Variants in HECTD2 observed in about 807,000 individuals in gnomAD.
HECTD2 encodes HECT domain E3 ubiquitin protein ligase 2.
A neutral mutation model predicts 103.2 loss-of-function variants in HECTD2; 35 were observed. The ratio of observed to expected loss-of-function variants is 0.34; its 90% CI spans 0.26 to 0.45. HECTD2 has a LOEUF of 0.45. HECTD2 is among the 20% of genes least tolerant of loss of function. The pLI is 1.00. For missense variants in HECTD2, 596 were observed against 937.4 expected (o/e 0.64, Z 4.76); for synonymous variants, 281 against 329.9 (o/e 0.85, Z 1.61).
chr10:91,454,383 A>C (rs1258624193), intron 2 of HECTD2, among the ~76,000 whole-genome samples: 1 of 152,162 alleles, frequency 6.6e-6, no homozygotes, highest in Non-Finnish European at 1.5e-5. Context: ...TCTCCAAAAT[A>C]CTTGGAAATT....
At position 91,410,474 on chromosome 10, in the gene HECTD2, T is replaced by G; in HGVS notation, c.36T>G (p.Thr12=). ...SEAVRVPSPA[T]PLVVAAPAPE... is the part of the protein sequence containing the mutation. ...CGGTTCGGGTACCCTCGCCCGCCAC[T>G]CCGCTGGTGGTGGCGGCGCCCGCGC... is the stretch of plus-strand genomic sequence containing the variant. Residue 12 remains threonine (T), a synonymous_variant, in exon 1 of 21, where the codon ACT becomes ACG. Transcript: ENST00000298068. 6.8e-7 allele frequency: 1 copy of G among 1,464,248 alleles called. No individual in the cohort carries two copies. Among genetic ancestry groups the G allele is most frequent in the Non-Finnish European group, 9.0e-7 (1 of 1,112,266 alleles). 90.7% of individuals were successfully genotyped at this position (1,464,248 alleles called of 1,614,324 possible).
At chr10:91,485,023 A>T (rs1050401798) in intron 9 of HECTD2, among the ~76,000 whole-genome samples, 157 bp from the exon 10 acceptor site, 5 of 151,988 alleles carry the variant, frequency 3.3e-5, no homozygotes, top group African/African-American at 9.7e-5. Context: ...TTTTAACCAC[A>T]ATTTTTAAAT....
chr10:91,436,041 TA>T (rs1174690394), intron 2 of HECTD2, among the ~76,000 whole-genome samples: 2 of 151,954 alleles, frequency 1.3e-5, no homozygotes, highest in African/African-American at 4.8e-5. Context: ...AGTACCCTTT[TA>T]TTTCATGGTT....
At chr10:91,508,465 A>T (rs988889814) in intron 20 of HECTD2, among the ~76,000 whole-genome samples, 1 of 151,604 alleles carries the variant, frequency 6.6e-6, no homozygotes, top group Non-Finnish European at 1.5e-5. Context: ...TGGGCGAAGG[A>T]CATGAACAGA....
intron 2 of HECTD2, among the ~76,000 whole-genome samples, chr10:91,434,774 G>C (rs985367329): frequency 6.6e-6 from 1 of 151,938 alleles, no homozygotes; most frequent in Non-Finnish European, 1.5e-5. Flanking sequence ...CTCAGGCTGG[G>C]TTTGAATTCT....
intron 1 of HECTD2, among the ~76,000 whole-genome samples, chr10:91,424,407 A>C (rs929406870): frequency 1.3e-5 from 2 of 152,028 alleles, no homozygotes; most frequent in Admixed American, 6.6e-5. Context: ...CTCTTCCTCT[A>C]CTGTGAAAGT....
In HECTD2 at chr10:91,492,960, T is replaced by G. The variant is rs538515428; in HGVS notation, c.1433-460T>G. ...GAAACTACCTGTATAATCCTTACTATCTGTTAAACTTTTCAAAGGAGAATT... is the reference window on the plus strand; with the variant it reads ...GAAACTACCTGTATAATCCTTACTAGCTGTTAAACTTTTCAAAGGAGAATT... On this transcript the variant is annotated intron_variant, in intron 13 of 20. Coordinates refer to ENST00000298068, the MANE Select transcript of HECTD2 (RefSeq NM_182765.6). 1.6e-3 allele frequency among the ~76,000 whole-genome samples: 249 copies of G among 152,040 alleles called. 2 individuals are homozygous for G. Among genetic ancestry groups the G allele is most frequent in the Non-Finnish European group, 2.9e-3 (198 of 67,860 alleles).
chr10:91,430,159 G>A (rs1843776287), intron 2 of HECTD2, among the ~76,000 whole-genome samples: 1 of 152,152 alleles, frequency 6.6e-6, no homozygotes, highest in Non-Finnish European at 1.5e-5. Context: ...TCAGGAGTAG[G>A]TTGTTCAGTT....
chr10:91,497,750 G>T (rs570477641), intron 15 of HECTD2, among the ~76,000 whole-genome samples: 1 of 152,128 alleles, frequency 6.6e-6, no homozygotes, highest in Non-Finnish European at 1.5e-5. Flanking sequence ...AACATTAGCA[G>T]ATTTTCATAG....
At chr10:91,428,722 GA>G (rs1489596969) in intron 2 of HECTD2, among the ~76,000 whole-genome samples, 4 of 151,838 alleles carry the variant, frequency 2.6e-5, no homozygotes, top group Non-Finnish European at 5.9e-5. Context: ...TTTGTACATT[GA>G]TTTTGTATCC....
Position 91,498,135 on chromosome 10 carries a change from T to C in HECTD2, c.1708T>C (p.Leu570=). ...PELAHGLSEL[L]SHEGNVEEDF... ...GTTGGCCCATGGATTAAGTGAACTCTTATCACATGAAGGCAATGTTGAAGA... is the reference window on the plus strand; with the variant it reads ...GTTGGCCCATGGATTAAGTGAACTCCTATCACATGAAGGCAATGTTGAAGA... Residue 570 remains leucine, a synonymous_variant, in exon 16 of 21, where the codon TTA becomes CTA. Coordinates refer to ENST00000298068, the MANE Select transcript of HECTD2 (RefSeq NM_182765.6). 6.2e-7 allele frequency: 1 copy of C among 1,612,108 alleles called. No individual in the cohort carries two copies. Among genetic ancestry groups the C allele is most frequent in the South Asian group, 1.1e-5 (1 of 91,000 alleles).
chr10:91,481,867 A>G (rs1846098980), intron 7 of HECTD2, among the ~76,000 whole-genome samples: 1 of 151,888 alleles, frequency 6.6e-6, no homozygotes, highest in Non-Finnish European at 1.5e-5. Context: ...AGTGTTTAGT[A>G]CAATATTATG....
At chr10:91,436,897 G>C (rs543122217) in intron 2 of HECTD2, among the ~76,000 whole-genome samples, 1 of 151,994 alleles carries the variant, frequency 6.6e-6, no homozygotes, top group African/African-American at 2.4e-5. Flanking sequence ...CACCTGTTCT[G>C]TTTGTCCTTA....
chr10:91,505,780 A>T (rs1355393830), intron 20 of HECTD2, among the ~76,000 whole-genome samples: 2 of 152,212 alleles, frequency 1.3e-5, no homozygotes, highest in East Asian at 3.9e-4. Flanking sequence ...GACCTAATAG[A>T]CATCTACAGA....
intron 1 of HECTD2, among the ~76,000 whole-genome samples, chr10:91,417,470 T>A (rs7898769): frequency 0.2 from 30,433 of 152,018 alleles, 7,239 homozygotes; most frequent in African/African-American, 0.58. Context: ...TGCTGCACCC[T>A]TTAACTCATC....
rs61754655 is a variant in HECTD2, at chr10:91,461,261, G to A, written c.415G>A (p.Val139Ile). 6,408 of 1,453,940 alleles carry A rather than the reference G, an allele frequency of 4.4e-3. 21 individuals carry two copies. The highest frequency in any genetic ancestry group is 5.5e-3 in the Non-Finnish European group (5,890 of 1,065,794). The allele number at this position is 1,453,940 out of a possible 1,614,324, so 90.1% of individuals were successfully genotyped here. A position where few individuals can be genotyped will look rare whatever the true frequency, so the allele number is the denominator to read the frequency against. Residue 139 changes from valine (V) to isoleucine (I), a missense_variant, in exon 4 of 21, where the codon GTA becomes ATA. This residue lies in a region of HECTD2 where 220 missense variants were observed against 233.9 expected (regional missense o/e 0.94). Coordinates refer to ENST00000298068, the MANE Select transcript of HECTD2 (RefSeq NM_182765.6). ...AATGTGTTTTCATTTTAGGGAAGAT[G>A]TAGAAAAAGTTAAGTCATCAGGAGA... ...PKTVKDFQED[V>I]EKVKSSGDWK... is the part of the protein sequence containing the mutation.
At chr10:91,445,187 G>T (rs562062427) in intron 2 of HECTD2, among the ~76,000 whole-genome samples, 1 of 152,216 alleles carries the variant, frequency 6.6e-6, no homozygotes, top group South Asian at 2.1e-4. Context: ...ACAAAACAAA[G>T]ACTGACATTT....
At chr10:91,492,260 A>T in intron 12 of HECTD2, 92 bp from the exon 13 acceptor site, 1 of 1,217,422 alleles carries the variant, frequency 8.2e-7, no homozygotes, top group Non-Finnish European at 1.2e-6. Flanking sequence ...CAAATAAGTT[A>T]AAGACTGCCT....
intron 20 of HECTD2, among the ~76,000 whole-genome samples, chr10:91,509,349 A>C (rs1191522542): frequency 6.6e-6 from 1 of 152,164 alleles, no homozygotes; most frequent in Non-Finnish European, 1.5e-5. Flanking sequence ...GAGAATGCTT[A>C]TACACTGCTG....
Sources: allele counts gnomAD v4.1 joint callset (sites outside exome capture counted in the v4.1 genomes callset), GRCh38; gene constraint gnomAD v4.1.1; regional missense constraint gnomAD v4.1.1; transcripts MANE v1.5; gene names NCBI Gene and HGNC (gene_info 2026-07-23, HGNC 2026-07-21).